The following OR51B5 variants were observed in gnomAD, a reference collection of about 807,000 sequenced individuals.
OR51B5 encodes olfactory receptor 51B5.
For synonymous variants in OR51B5, 186 were observed against 144.8 expected, an observed-to-expected ratio of 1.28 and a Z score of -2.04; for missense variants, 456 against 374.6, an observed-to-expected ratio of 1.22 and a Z score of -1.79.
intron 1 of OR51B5, among the ~76,000 whole-genome samples, chr11:5,360,793 A>G (rs1589953433): frequency 6.7e-6 from 1 of 148,436 alleles, no homozygotes; most frequent in South Asian, 2.3e-4. Context: ...CATATACACC[A>G]TGGAATACTA....
At chr11:5,442,500 A>T (rs1318733133) in intron 1 of OR51B5, among the ~76,000 whole-genome samples, 1 of 152,082 alleles carries the variant, frequency 6.6e-6, no homozygotes, top group African/African-American at 2.4e-5. Flanking sequence ...TTTCCTTCAG[A>T]CAATAAGTAT....
intron 1 of OR51B5, among the ~76,000 whole-genome samples, chr11:5,485,981 A>G (rs1590023851): frequency 6.6e-6 from 1 of 152,114 alleles, no homozygotes; most frequent in Non-Finnish European, 1.5e-5. Flanking sequence ...TTGACCTTTT[A>G]ACAAGGGGAG....
At chr11:5,379,176 T>C (rs80129899) in intron 1 of OR51B5, among the ~76,000 whole-genome samples, 40,672 of 151,110 alleles carry the variant, frequency 0.27, 5,663 homozygotes, top group African/African-American at 0.33. Flanking sequence ...ATGGATGAAA[T>C]TGGAAATCAT....
At chr11:5,361,398 G>A (rs902941112) in intron 1 of OR51B5, among the ~76,000 whole-genome samples, 2 of 152,076 alleles carry the variant, frequency 1.3e-5, no homozygotes, top group African/African-American at 4.8e-5. Context: ...TTGCAGCTTG[G>A]CTTCTGAGTA....
chr11:5,354,635 T>C, intron 1 of OR51B5: 1 of 154,434 alleles, frequency 6.5e-6, no homozygotes, highest in Non-Finnish European at 1.4e-5. Flanking sequence ...CTCCCGCCCC[T>C]CCACGCCACC....
At chr11:5,348,488 G>C (rs553487277), upstream of OR51B5, among the ~76,000 whole-genome samples, 18 of 152,096 alleles carry the variant, frequency 1.2e-4, no homozygotes, top group East Asian at 3.3e-3. Flanking sequence ...ATACTTTCTA[G>C]AAAAAAAGTC....
chr11:5,359,564 C>A lies in OR51B5; in HGVS notation n.85-12654G>T, dbSNP rs1366842498. The stretch of plus-strand genomic sequence containing the variant: ...AATCAATATCATGAAAATGGCCATA[C>A]AGCCCAAGGTAATTTATAGATTCAA... On this transcript the variant is annotated intron_variant and non_coding_transcript_variant, in intron 1 of 4. Coordinates refer to the OR51B5 transcript ENST00000415970. Among the ~76,000 whole-genome samples the A allele has an allele frequency of 3.6e-5, 5 of 137,398 alleles. 1 individual carries two copies. The highest frequency in any genetic ancestry group is 2.0e-4 in the East Asian group (1 of 5,120). The allele number at this position is 137,398 out of a possible 152,430, so 90.1% of individuals were successfully genotyped here.
chr11:5,381,169 C>CTT (rs1266826426), intron 1 of OR51B5, among the ~76,000 whole-genome samples: 2 of 101,310 alleles, frequency 2.0e-5, no homozygotes, highest in South Asian at 4.5e-4. Context: ...TTCTCTCTCT[C>CTT]TCTCTCACAC....
intron 1 of OR51B5, among the ~76,000 whole-genome samples, chr11:5,398,724 A>G (rs1849920962): frequency 1.3e-5 from 2 of 151,968 alleles, no homozygotes; most frequent in African/African-American, 4.8e-5. Flanking sequence ...GTGAGTTTTC[A>G]TGAGATCTGA....
upstream of OR51B5, among the ~76,000 whole-genome samples, chr11:5,344,584 C>A (rs561399147): frequency 6.6e-6 from 1 of 151,946 alleles, no homozygotes; most frequent in African/African-American, 2.4e-5. Context: ...AATATTCCTT[C>A]TGCCACTAGA....
At chr11:5,377,148 G>C (rs1411770947) in intron 1 of OR51B5, among the ~76,000 whole-genome samples, 2 of 151,994 alleles carry the variant, frequency 1.3e-5, no homozygotes, top group Admixed American at 1.3e-4. Flanking sequence ...ATGCAAGGCT[G>C]GTTCAATATA....
In OR51B5 at chr11:5,343,505, G is replaced by A. The variant is rs1303156319; in HGVS notation, c.20C>T (p.Ser7Phe). 6 of 1,107,700 alleles carry A rather than the reference G, an allele frequency of 5.4e-6. No individual in the cohort carries two copies. In the African/African-American group the frequency reaches 9.4e-5, roughly 17 times the overall value. 68.6% of individuals were successfully genotyped at this position (1,107,700 alleles called of 1,614,324 possible). A position where few individuals can be genotyped will look rare whatever the true frequency, so the allele number is the denominator to read the frequency against. Reference sequence around the variant, plus strand: ...AAAACCAGTCAATAGGAAGGGATGGGAGCTGCCGCTGGACGACATCCTGGG... The same window carrying A: ...AAAACCAGTCAATAGGAAGGGATGGAAGCTGCCGCTGGACGACATCCTGGG... The change falls in exon 1 of 1, where the codon TCC becomes TTC. Residue 7 changes from serine (S) to phenylalanine (F), a missense_variant. Physicochemically the swap from Ser to Phe is radical, Grantham distance 155. Coordinates refer to ENST00000300773, the Ensembl canonical transcript of OR51B5.
At chr11:5,375,684 T>G (rs1051798444) in intron 1 of OR51B5, among the ~76,000 whole-genome samples, 1 of 151,944 alleles carries the variant, frequency 6.6e-6, no homozygotes, top group Non-Finnish European at 1.5e-5. Context: ...AAACAGGCTT[T>G]AAACCAACAA....
intron 1 of OR51B5, among the ~76,000 whole-genome samples, chr11:5,498,465 T>C (rs1349813968): frequency 2.6e-5 from 4 of 152,200 alleles, no homozygotes; most frequent in Non-Finnish European, 4.4e-5. Flanking sequence ...GGTCCTGTCT[T>C]CATATGTATT....
At chr11:5,437,653 C>CA (rs926803189) in intron 1 of OR51B5, among the ~76,000 whole-genome samples, 1 of 152,184 alleles carries the variant, frequency 6.6e-6, no homozygotes, top group Non-Finnish European at 1.5e-5. Flanking sequence ...CACCTAACTA[C>CA]AAGGGATTGA....
At chr11:5,440,507 C>G in intron 1 of OR51B5, 1 of 1,154,878 alleles carries the variant, frequency 8.7e-7, no homozygotes. Flanking sequence ...CTTTAGCATT[C>G]CTTAAGTTGT....
chr11:5,470,645 C>T (rs1851215142), intron 1 of OR51B5, among the ~76,000 whole-genome samples: 1 of 152,180 alleles, frequency 6.6e-6, no homozygotes, highest in African/African-American at 2.4e-5. Flanking sequence ...GTTTTATCCT[C>T]TTCAAAGTTA....
chr11:5,476,419 C>A (rs1272417123), intron 1 of OR51B5, among the ~76,000 whole-genome samples: 1 of 152,158 alleles, frequency 6.6e-6, no homozygotes, highest in Non-Finnish European at 1.5e-5. Flanking sequence ...AGGGGGCACT[C>A]AGAGGGTAAA....
At chr11:5,483,444 A>G (rs1851455086) in intron 1 of OR51B5, among the ~76,000 whole-genome samples, 2 of 147,506 alleles carry the variant, frequency 1.4e-5, no homozygotes, top group South Asian at 4.6e-4. Flanking sequence ...CCAGCATGGC[A>G]CATGTATACA....
Sources: gnomAD v4.1 joint callset for allele counts (sites outside exome capture counted in the v4.1 genomes callset) on GRCh38, gnomAD v4.1.1 for gene constraint, MANE v1.5 for transcripts, NCBI Gene and HGNC (gene_info 2026-07-23, HGNC 2026-07-21) for gene names.